The following TRAPPC3 variants were observed in gnomAD, a reference collection of about 807,000 sequenced individuals.
The protein encoded by TRAPPC3 is trafficking protein particle complex 3.
Under a neutral mutation model 18.2 loss-of-function variants are expected in TRAPPC3, and 5 were observed. That is an observed-to-expected ratio of 0.28 (90% confidence interval 0.14 to 0.58). The LOEUF (loss-of-function observed/expected upper bound fraction) is 0.58, where lower values mean the gene tolerates loss of function less well. Ranked by LOEUF, TRAPPC3 falls within the 20% of genes least tolerant of loss-of-function variation. TRAPPC3 has a pLI of 0.91. For synonymous variants in TRAPPC3, 65 were observed against 84.2 expected (o/e 0.77, Z 1.25); for missense variants, 176 against 225.9 (o/e 0.78, Z 1.41).
Position 36,149,430 on chromosome 1 carries a change from C to A in TRAPPC3, c.-52G>T. On this transcript the variant is annotated 5_prime_UTR_variant, in exon 1 of 5. Coordinates refer to ENST00000373166, the MANE Select transcript of TRAPPC3 (RefSeq NM_014408.5). ...CTAGCCACGGGTTAGCTCGGCGACCCCTGCAGACGCCGGAGCCTAAGCCGC... is the reference window on the plus strand; with the variant it reads ...CTAGCCACGGGTTAGCTCGGCGACCACTGCAGACGCCGGAGCCTAAGCCGC... 6.2e-7 allele frequency: 1 copy of A among 1,602,216 alleles called. No individual in the cohort carries two copies. Among genetic ancestry groups the A allele is most frequent in the Non-Finnish European group, 8.5e-7 (1 of 1,174,616 alleles).
At chr1:36,152,500 G>T (rs779159880), upstream of TRAPPC3, among the ~76,000 whole-genome samples, 9 of 151,918 alleles carry the variant, frequency 5.9e-5, no homozygotes, top group Admixed American at 3.9e-4. Flanking sequence ...AGTAGAGACT[G>T]GGTTTCGACA....
chr1:36,139,998 C>G, intron 2 of TRAPPC3, 71 bp downstream of exon 2: 2 of 1,481,160 alleles, frequency 1.4e-6, no homozygotes, highest in Non-Finnish European at 1.8e-6. Context: ...GTTTTAAGCT[C>G]TAAAGGACAA....
At chr1:36,152,289 CT>C (rs1313209112), upstream of TRAPPC3, among the ~76,000 whole-genome samples, 3 of 138,412 alleles carry the variant, frequency 2.2e-5, no homozygotes, top group Admixed American at 2.2e-4. Context: ...AAACATATTT[CT>C]TTTTCTTTTT....
In TRAPPC3 at chr1:36,137,255, C is replaced by T. The variant is rs143041532; in HGVS notation, c.491G>A (p.Arg164Gln). Residue 164 changes from arginine (R) to glutamine (Q), a missense_variant, in exon 5 of 5, where the codon CGG (arginine) becomes CAG (glutamine). Transcript: ENST00000373166. ...TLKGDGVTEI[R>Q]MRFIRRIEDN... The stretch of plus-strand genomic sequence containing the variant: ...CTCAATCCGCCTGATGAATCTCATC[C>T]GGATTTCTGTCACACCGTCTCCTTT... The T allele has an allele frequency of 4.2e-5, 67 of 1,613,188 alleles. No homozygotes were observed. The highest frequency in any genetic ancestry group is 5.2e-5 in the Non-Finnish European group (61 of 1,179,352).
At chr1:36,151,812 G>A (rs111699173), upstream of TRAPPC3, among the ~76,000 whole-genome samples, 2 of 152,166 alleles carry the variant, frequency 1.3e-5, no homozygotes, top group African/African-American at 2.4e-5. Context: ...CCTATCAGGG[G>A]CTCTAGACAA....
chr1:36,140,215 A>G, intron 1 of TRAPPC3, 49 bp from the exon 2 acceptor site: 1 of 1,260,328 alleles, frequency 7.9e-7, no homozygotes, highest in Non-Finnish European at 1.1e-6. Context: ...CAAAAGAGAA[A>G]GCGTGGTGAG....
rs771791503 is a variant in TRAPPC3 at position 36,137,237 on chromosome 1, C to T, written c.509G>A (p.Arg170Gln). 59 of 1,612,540 alleles carry T rather than the reference C, an allele frequency of 3.7e-5. No individual in the cohort carries two copies. The highest frequency in any genetic ancestry group is 1.0e-4 in the Admixed American group (6 of 59,970). ...TCCAGCTGGAAGATTGTCCTCAATCCGCCTGATGAATCTCATCCGGATTTC... is the reference window on the plus strand; with the variant it reads ...TCCAGCTGGAAGATTGTCCTCAATCTGCCTGATGAATCTCATCCGGATTTC... The part of the protein sequence containing the change: ...VTEIRMRFIR[R>Q]IEDNLPAGEE Residue 170 changes from arginine (R) to glutamine (Q), a missense_variant, in exon 5 of 5, where the codon CGG becomes CAG. Arg to Gln is a conservative substitution (Grantham distance 43). This residue lies in a region of TRAPPC3 where 29 missense variants were observed against 61.5 expected (regional missense o/e 0.47). Coordinates refer to ENST00000373166, the MANE Select transcript of TRAPPC3 (RefSeq NM_014408.5).
At chr1:36,146,486 C>T (rs1337749153) in intron 1 of TRAPPC3, among the ~76,000 whole-genome samples, 8 of 149,506 alleles carry the variant, frequency 5.4e-5, no homozygotes, top group Admixed American at 3.4e-4. Context: ...TTAGTAGAGA[C>T]GGGGTTTCAC....
chr1:36,144,210 C>T (rs1432095139), intron 1 of TRAPPC3, among the ~76,000 whole-genome samples: 3 of 138,708 alleles, frequency 2.2e-5, no homozygotes, highest in Admixed American at 1.7e-4. Context: ...ATTGCTTGAA[C>T]CCAGGAGGCG....
At position 36,149,452 on chromosome 1, in the gene TRAPPC3, C is replaced by A. The variant is rs1242996621; in HGVS notation, c.-74G>T. ...ACCCCTGCAGACGCCGGAGCCTAAG[C>A]CGCTGCCCCTCAGCCCACAAGACCG... On this transcript the variant is annotated 5_prime_UTR_variant, in exon 1 of 5. Coordinates refer to ENST00000373166, the MANE Select transcript of TRAPPC3 (RefSeq NM_014408.5). 6.3e-7 allele frequency: 1 copy of A among 1,576,138 alleles called. No individual in the cohort carries two copies. Among genetic ancestry groups the A allele is most frequent in the African/African-American group, 1.3e-5 (1 of 74,222 alleles).
chr1:36,137,822 C>A lies in TRAPPC3; in HGVS notation c.397G>T (p.Gly133Trp). 6.2e-7 allele frequency: 1 copy of A among 1,614,154 alleles called. No homozygotes were observed. Residue 133 changes from glycine to tryptophan, a missense_variant, in exon 4 of 5, where the codon GGG (glycine) becomes TGG (tryptophan). Around this residue, in one of 2 missense-constraint regions of TRAPPC3, gnomAD observed 147 missense variants for 164.3 expected, o/e 0.89. Coordinates refer to ENST00000373166, the MANE Select transcript of TRAPPC3 (RefSeq NM_014408.5). ...SSLIYSNLLCGVLRGALEMVQ... is the reference protein window; with the variant it reads ...SSLIYSNLLCWVLRGALEMVQ... ...ATCTCCAAAGCTCCCCGCAACACCC[C>A]ACACAAGAGATTGGAATAAATAAGG...
rs552528641 is a variant in TRAPPC3 at position 36,149,460 on chromosome 1, C to A, written c.-82G>T. 3 of 1,557,960 alleles carry A rather than the reference C, an allele frequency of 1.9e-6. No homozygotes were observed. Among genetic ancestry groups the A allele is most frequent in the East Asian group, 4.7e-5 (2 of 42,988 alleles). ...AGACGCCGGAGCCTAAGCCGCTGCC[C>A]CTCAGCCCACAAGACCGACCGGCAC... On this transcript the variant is annotated 5_prime_UTR_variant, in exon 1 of 5. Transcript: ENST00000373166.
upstream of TRAPPC3, among the ~76,000 whole-genome samples, chr1:36,152,879 T>C (rs1450687823): frequency 6.6e-6 from 1 of 152,164 alleles, no homozygotes; most frequent in Non-Finnish European, 1.5e-5. Flanking sequence ...CTCGAACTCC[T>C]GAGCTCAAGT....
upstream of TRAPPC3, among the ~76,000 whole-genome samples, chr1:36,153,122 C>T (rs939618755): frequency 4.6e-5 from 7 of 152,240 alleles, no homozygotes; most frequent in Admixed American, 1.3e-4. Context: ...TCGCCAAAGA[C>T]TGCAGGGAAT....
chr1:36,142,693 T>G (rs1644134242), intron 1 of TRAPPC3, among the ~76,000 whole-genome samples: 1 of 152,136 alleles, frequency 6.6e-6, no homozygotes, highest in South Asian at 2.1e-4. Context: ...TGTGGAACTG[T>G]GAGTGACATA....
intron 1 of TRAPPC3, among the ~76,000 whole-genome samples, chr1:36,142,045 A>G (rs979236141): frequency 7.2e-5 from 11 of 151,984 alleles, no homozygotes; most frequent in Admixed American, 7.2e-4. Context: ...AAAAAAAATC[A>G]AAGGTTTCCA....
At chr1:36,145,916 G>A (rs1209891321) in intron 1 of TRAPPC3, among the ~76,000 whole-genome samples, 2 of 151,854 alleles carry the variant, frequency 1.3e-5, no homozygotes, top group African/African-American at 2.4e-5. Context: ...TGGGACTACA[G>A]GCGGCCGCCA....
chr1:36,142,392 A>G (rs1454430517), intron 1 of TRAPPC3, among the ~76,000 whole-genome samples: 1 of 152,248 alleles, frequency 6.6e-6, no homozygotes, highest in Non-Finnish European at 1.5e-5. Flanking sequence ...GCACCACTGC[A>G]TTAAATCAGG....
chr1:36,139,578 C>G lies in TRAPPC3; in HGVS notation c.240+142G>C, dbSNP rs1009657941. ...ATAATCTATGCTATTCCCTAACGACCTGGAATGTTTTTTTGACCCAAAGAG... is the reference window on the plus strand; with the variant it reads ...ATAATCTATGCTATTCCCTAACGACGTGGAATGTTTTTTTGACCCAAAGAG... On this transcript the variant is annotated intron_variant, in intron 3 of 4. Transcript: ENST00000373166. 2.8e-6 allele frequency: 3 copies of G among 1,084,296 alleles called. No homozygotes were observed. In the African/African-American group the frequency reaches 4.8e-5, roughly 17 times the overall value. 67.2% of individuals were successfully genotyped at this position (1,084,296 alleles called of 1,614,324 possible). A position where few individuals can be genotyped will look rare whatever the true frequency, so the allele number is the denominator to read the frequency against.
Sources: gnomAD v4.1 joint callset for allele counts (sites outside exome capture counted in the v4.1 genomes callset) on GRCh38, gnomAD v4.1.1 for gene constraint, gnomAD v4.1.1 regional missense constraint, MANE v1.5 for transcripts, NCBI Gene and HGNC (gene_info 2026-07-23, HGNC 2026-07-21) for gene names.